The following PDIA6 variants were observed in gnomAD, a reference collection of about 807,000 sequenced individuals.
PDIA6 encodes the protein protein disulfide isomerase family A member 6.
In PDIA6, 29 loss-of-function variants were observed where a neutral mutation model predicts 58.4. That is an observed-to-expected ratio of 0.50 (90% CI 0.37 to 0.68). The LOEUF is 0.68. PDIA6 is among the 30% of genes least tolerant of loss of function. PDIA6 has a pLI of 0.00. For synonymous variants in PDIA6, 192 were observed against 202.6 expected (o/e 0.95, Z 0.44); for missense variants, 480 against 551.0 (o/e 0.87, Z 1.29).
Position 10,788,726 on chromosome 2 carries a change from C to A in PDIA6, c.969G>T (p.Leu323Phe). ...RNSYLEVLLK[L>F]ADKYKKKMWG... ...ACATTTTCTTTTTGTATTTGTCTGC[C>A]AACTTCAGAAGAACTTCCAGATAAG... The change falls in exon 10 of 13, where the codon TTG (leucine) becomes TTT (phenylalanine). Residue 323 changes from leucine (L) to phenylalanine (F), a missense_variant. By Grantham distance (22) the Leu-to-Phe change is conservative (BLOSUM62 0). Transcript: ENST00000272227. 1 of 1,613,472 alleles carries A rather than the reference C, an allele frequency of 6.2e-7. No individual in the cohort carries two copies. The highest frequency in any genetic ancestry group is 8.5e-7 in the Non-Finnish European group (1 of 1,179,418).
At position 10,802,482 on chromosome 2, in the gene PDIA6, T is replaced by G; in HGVS notation, c.161+17A>C. ...GAAAGTACTATAAATAATCTACAAC[T>G]ATTTTATAATACTTACCATGGAGCA... is the stretch of plus-strand genomic sequence containing the variant. On this transcript the variant is annotated intron_variant, in intron 2 of 12. Transcript: ENST00000272227. The G allele has an allele frequency of 7.6e-7, 1 of 1,319,086 alleles. No individual in the cohort carries two copies. Among genetic ancestry groups the G allele is most frequent in the Non-Finnish European group, 9.9e-7 (1 of 1,014,244 alleles). The allele number at this position is 1,319,086 out of a possible 1,614,324, so 81.7% of individuals were successfully genotyped here.
chr2:10,798,014 C>T (rs903545248), intron 2 of PDIA6, among the ~76,000 whole-genome samples: 9 of 150,916 alleles, frequency 6.0e-5, no homozygotes, highest in East Asian at 4.0e-4. Flanking sequence ...GGTGAAACCC[C>T]GTCTCTAATA....
chr2:10,828,604 C>T (rs1667622773), intron 1 of PDIA6, among the ~76,000 whole-genome samples: 1 of 152,256 alleles, frequency 6.6e-6, no homozygotes, highest in Non-Finnish European at 1.5e-5. Flanking sequence ...GTGCCAGTCT[C>T]CTGCTAGCCT....
intron 10 of PDIA6, among the ~76,000 whole-genome samples, 170 bp downstream of exon 10, chr2:10,788,527 G>T (rs1665884155): frequency 6.6e-6 from 1 of 150,848 alleles, no homozygotes. Context: ...GTGGTGGCGG[G>T]CGCCTATAAT....
intron 1 of PDIA6, among the ~76,000 whole-genome samples, chr2:10,827,753 G>A (rs1411619732): frequency 6.6e-6 from 1 of 151,540 alleles, no homozygotes; most frequent in Non-Finnish European, 1.5e-5. Flanking sequence ...GAATCTGGGA[G>A]GCACAGGTTG....
At chr2:10,824,688 G>A (rs1169554688) in intron 1 of PDIA6, among the ~76,000 whole-genome samples, 2 of 152,224 alleles carry the variant, frequency 1.3e-5, no homozygotes, top group African/African-American at 2.4e-5. Context: ...AAGCTGAAGC[G>A]GGGCAGAGCT....
At chr2:10,785,068 C>T (rs1665652920) in intron 11 of PDIA6, 38 bp from the exon 12 acceptor site, 2 of 1,311,298 alleles carry the variant, frequency 1.5e-6, no homozygotes, top group African/African-American at 2.9e-5. Flanking sequence ...CACACATTTA[C>T]AATGGACTGC....
chr2:10,786,582 A>G (rs2148531509), intron 11 of PDIA6, among the ~76,000 whole-genome samples: 1 of 152,320 alleles, frequency 6.6e-6, no homozygotes, highest in African/African-American at 2.4e-5. Context: ...ACTGGCAGCA[A>G]GAGCACTGCA....
At chr2:10,835,067 G>A (rs1052283382), upstream of PDIA6, among the ~76,000 whole-genome samples, 5 of 152,132 alleles carry the variant, frequency 3.3e-5, no homozygotes, top group South Asian at 8.3e-4. Context: ...TGTGCCTGGC[G>A]TAGAGTGAAC....
intron 1 of PDIA6, among the ~76,000 whole-genome samples, chr2:10,831,074 C>T (rs1339456308): frequency 4.6e-5 from 7 of 152,206 alleles, no homozygotes; most frequent in South Asian, 2.1e-4. Flanking sequence ...TGCTTCCAGC[C>T]GCTGGTGAGA....
intron 1 of PDIA6, among the ~76,000 whole-genome samples, chr2:10,827,108 G>A (rs1159783109): frequency 6.6e-6 from 1 of 152,218 alleles, no homozygotes; most frequent in Non-Finnish European, 1.5e-5. Flanking sequence ...CTACTGCCCA[G>A]GCTGGAGTGC....
intron 1 of PDIA6, among the ~76,000 whole-genome samples, chr2:10,824,208 C>A (rs1667484706): frequency 6.6e-6 from 1 of 151,616 alleles, no homozygotes; most frequent in African/African-American, 2.4e-5. Flanking sequence ...ACTCACACCT[C>A]CAGTCATGGG....
chr2:10,802,564 T>A lies in PDIA6; in HGVS notation c.96A>T (p.Pro32=). 17 of 1,488,048 alleles carry A rather than the reference T, an allele frequency of 1.1e-5. No individual in the cohort carries two copies. Among genetic ancestry groups the A allele is most frequent in the Non-Finnish European group, 1.5e-5 (17 of 1,116,850 alleles). The allele number at this position is 1,488,048 out of a possible 1,614,324, so 92.2% of individuals were successfully genotyped here. The part of the protein sequence containing the change: ...SSSDDVIELT[P]SNFNREVIQS... Reference sequence around the variant, plus strand: ...GAATAACTTCTCGGTTGAAATTCGATGGAGTTAATTCGATCACATCATCAC... The same window carrying A: ...GAATAACTTCTCGGTTGAAATTCGAAGGAGTTAATTCGATCACATCATCAC... Residue 32 remains proline (P), a synonymous_variant, in exon 2 of 13, where the codon CCA becomes CCT. Transcript: ENST00000272227.
chr2:10,789,059 T>C, intron 8 of PDIA6, 78 bp from the exon 9 acceptor site: 1 of 966,960 alleles, frequency 1.0e-6, no homozygotes, highest in South Asian at 1.3e-5. Context: ...AAACAAGACC[T>C]TCGCACCGTC....
In PDIA6 at chr2:10,788,955, C is replaced by G; in HGVS notation, c.867G>C (p.Arg289Ser). The change falls in exon 9 of 13, where the codon AGG becomes AGC. Residue 289 changes from arginine (R) to serine (S), a missense_variant. By Grantham distance (110) the Arg-to-Ser change is moderately radical. Transcript: ENST00000272227. ...LEIINEDIAK[R>S]TCEEHQLCVV... ...CACAGAGCTGGTGCTCCTCACACGT[C>G]CTCTTGGCAATGTCCTCGTTGATAA... 1 of 1,614,134 alleles carries G rather than the reference C, an allele frequency of 6.2e-7. No individual in the cohort carries two copies. Among genetic ancestry groups the G allele is most frequent in the South Asian group, 1.1e-5 (1 of 91,090 alleles).
chr2:10,817,120 C>G (rs1268304470), upstream of PDIA6, among the ~76,000 whole-genome samples: 2 of 152,210 alleles, frequency 1.3e-5, no homozygotes, highest in Non-Finnish European at 2.9e-5. Context: ...TAGGATCACT[C>G]TCCCTTTTTA....
At chr2:10,796,275 G>A (rs1319404569) in intron 4 of PDIA6, among the ~76,000 whole-genome samples, 3 of 151,980 alleles carry the variant, frequency 2.0e-5, no homozygotes, top group Non-Finnish European at 2.9e-5. Flanking sequence ...GGATGGTCTC[G>A]ATCTCCTGAC....
chr2:10,823,876 C>A (rs776397511), intron 1 of PDIA6, among the ~76,000 whole-genome samples: 49 of 151,030 alleles, frequency 3.2e-4, no homozygotes, highest in Admixed American at 1.9e-3. Context: ...GGGCAGCTTA[C>A]ATTCCATGAC....
At chr2:10,815,708 G>A (rs1667172855), upstream of PDIA6, among the ~76,000 whole-genome samples, 1 of 151,982 alleles carries the variant, frequency 6.6e-6, no homozygotes, top group South Asian at 2.1e-4. Flanking sequence ...CCATTGCCCA[G>A]CTAATTTTGT....
Sources: gnomAD v4.1 joint callset for allele counts (sites outside exome capture counted in the v4.1 genomes callset) on GRCh38, gnomAD v4.1.1 for gene constraint, MANE v1.5 for transcripts, NCBI Gene and HGNC (gene_info 2026-07-23, HGNC 2026-07-21) for gene names.